The following TRAF3 variants were observed in gnomAD, a reference collection of about 807,000 sequenced individuals.
TRAF3 encodes the protein TNF receptor-associated factor 3.
A neutral mutation model predicts 62.3 loss-of-function variants in TRAF3; 13 were observed. The observed-to-expected ratio is 0.21, with a 90% CI of 0.14 to 0.33. The LOEUF (loss-of-function observed/expected upper bound fraction) is 0.33, where lower values mean the gene tolerates loss of function less well. TRAF3 is among the 10% of genes least tolerant of loss of function. The probability of loss-of-function intolerance (pLI) is 1.00; values close to 1 mark genes in which losing one functional copy is unlikely to be tolerated. For missense variants in TRAF3, 440 were observed against 741.8 expected, an observed-to-expected ratio of 0.59 and a Z score of 4.73; for synonymous variants, 269 against 283.4, an observed-to-expected ratio of 0.95 and a Z score of 0.51.
intron 8 of TRAF3, among the ~76,000 whole-genome samples, chr14:102,889,841 CTG>C (rs1344282828): frequency 6.6e-6 from 1 of 152,188 alleles, no homozygotes; most frequent in Non-Finnish European, 1.5e-5. Flanking sequence ...CAGGGAGACA[CTG>C]TGCTGAGGTG....
chr14:102,798,381 TG>T (rs1898214727), intron 1 of TRAF3, among the ~76,000 whole-genome samples: 1 of 151,976 alleles, frequency 6.6e-6, no homozygotes, highest in Admixed American at 6.6e-5. Flanking sequence ...AGCTCACACC[TG>T]CAATCCCAGC....
chr14:102,810,174 C>G (rs1017943616), intron 1 of TRAF3, among the ~76,000 whole-genome samples: 2 of 152,276 alleles, frequency 1.3e-5, no homozygotes, highest in Non-Finnish European at 2.9e-5. Context: ...AAACAAACAA[C>G]CCCCTCCCCC....
At chr14:102,814,806 C>T (rs1332367602) in intron 1 of TRAF3, among the ~76,000 whole-genome samples, 1 of 152,186 alleles carries the variant, frequency 6.6e-6, no homozygotes, top group Non-Finnish European at 1.5e-5. Flanking sequence ...TACAGGCATA[C>T]ACCACTGCAC....
chr14:102,878,590 G>A lies in TRAF3; in HGVS notation c.570+2065G>A, dbSNP rs975548383. 2.0e-5 allele frequency among the ~76,000 whole-genome samples: 3 copies of A among 152,282 alleles called. 1 individual carries two copies. Among genetic ancestry groups the A allele is most frequent in the Middle Eastern group, 6.8e-3 (2 of 294 alleles). On this transcript the variant is annotated intron_variant, in intron 6 of 11. Coordinates refer to ENST00000392745, the MANE Select transcript of TRAF3 (RefSeq NM_145725.3). ...GACTCAGTGGTGAGGCTCCTCTAGT[G>A]GGAAAAAATACTAACAAATGTGTAA...
intron 1 of TRAF3, among the ~76,000 whole-genome samples, chr14:102,800,176 A>C (rs1898306604): frequency 6.6e-6 from 1 of 152,138 alleles, no homozygotes; most frequent in Non-Finnish European, 1.5e-5. Context: ...TCAGATTTAG[A>C]GGGAATTTTT....
intron 1 of TRAF3, among the ~76,000 whole-genome samples, chr14:102,786,415 C>T (rs1355908560): frequency 2.0e-5 from 3 of 152,124 alleles, no homozygotes; most frequent in Non-Finnish European, 2.9e-5. Context: ...GGGCTGGGTG[C>T]GGAGGTTCAT....
chr14:102,876,974 A>G (rs963813580), intron 6 of TRAF3, among the ~76,000 whole-genome samples: 6 of 148,788 alleles, frequency 4.0e-5, no homozygotes, highest in Non-Finnish European at 7.4e-5. Context: ...AATCCGTTCC[A>G]CAGGCCTTCC....
At chr14:102,862,033 A>G (rs2037209556) in intron 2 of TRAF3, among the ~76,000 whole-genome samples, 1 of 152,182 alleles carries the variant, frequency 6.6e-6, no homozygotes, top group African/African-American at 2.4e-5. Context: ...TTTGGTGCTC[A>G]AAAGTTTTTC....
intron 6 of TRAF3, among the ~76,000 whole-genome samples, chr14:102,876,947 C>A (rs1200041521): frequency 6.6e-6 from 1 of 150,776 alleles, no homozygotes; most frequent in Non-Finnish European, 1.5e-5. Context: ...CACAGTCCTT[C>A]CGCTCAATTC....
intron 1 of TRAF3, among the ~76,000 whole-genome samples, chr14:102,827,138 G>A (rs575657912): frequency 1.2e-4 from 18 of 152,330 alleles, no homozygotes; most frequent in African/African-American, 4.1e-4. Context: ...CTGAGTCCAC[G>A]TCCTTCAGCC....
At chr14:102,803,646 A>T (rs1465204024) in intron 1 of TRAF3, among the ~76,000 whole-genome samples, 1 of 151,804 alleles carries the variant, frequency 6.6e-6, no homozygotes, top group Non-Finnish European at 1.5e-5. Flanking sequence ...CCTGGGCTCA[A>T]CTGATCCTCC....
Position 102,815,147 on chromosome 14 carries a change from C to T in TRAF3, c.-156-15187C>T, listed in dbSNP as rs117065769. ...AGAGACAGAGTTTTACTATGTTGCC[C>T]GGGCTGGTCTCAAACTGCTGGGCTC... On this transcript the variant is annotated intron_variant, in intron 1 of 11. Transcript: ENST00000392745. Among the ~76,000 whole-genome samples the T allele has an allele frequency of 3.4e-4, 51 of 152,152 alleles. No homozygotes were observed. In the East Asian group the frequency reaches 6.8e-3, roughly 20 times the overall value.
rs76920567 is a variant in TRAF3 at position 102,863,205 on chromosome 14, G to A, written c.-17-6980G>A. ...CCTTGTGATATTTTGTTGAAAACTG[G>A]AACTTTTGAATTTTTACCGTGGCAA... On this transcript the variant is annotated intron_variant, in intron 2 of 11. Transcript: ENST00000392745. Among the ~76,000 whole-genome samples the A allele has an allele frequency of 8.2e-3, 1,248 of 152,152 alleles. 39 individuals carry two copies. In the East Asian group the frequency reaches 0.1, roughly 13 times the overall value.
intron 1 of TRAF3, among the ~76,000 whole-genome samples, chr14:102,815,474 T>C (rs1899460558): frequency 6.6e-6 from 1 of 152,156 alleles, no homozygotes; most frequent in African/African-American, 2.4e-5. Flanking sequence ...TCAAGTGATC[T>C]TTCTGCCTTA....
At chr14:102,839,924 A>T (rs1371567026) in intron 2 of TRAF3, among the ~76,000 whole-genome samples, 1 of 152,212 alleles carries the variant, frequency 6.6e-6, no homozygotes, top group Non-Finnish European at 1.5e-5. Flanking sequence ...TTTCAAAGAC[A>T]TCTCTGAGAA....
intron 1 of TRAF3, among the ~76,000 whole-genome samples, chr14:102,800,946 A>G (rs1258698491): frequency 2.6e-5 from 4 of 152,044 alleles, no homozygotes; most frequent in Non-Finnish European, 5.9e-5. Context: ...TGGGAGGCCA[A>G]GGCGGGCGGA....
At position 102,886,219 on chromosome 14, in the gene TRAF3, G is replaced by A. The variant is rs755501597; in HGVS notation, c.601G>A (p.Val201Met). 11 of 1,613,242 alleles carry A rather than the reference G, an allele frequency of 6.8e-6. No individual in the cohort carries two copies. Among genetic ancestry groups the A allele is most frequent in the African/African-American group, 4.0e-5 (3 of 74,992 alleles). The stretch of plus-strand genomic sequence containing the variant: ...CGAAGACACCGACTGTCCCTGCGTG[G>A]TGGTGTCCTGCCCTCACAAGTGCAG... The part of the protein sequence containing the change: ...KHEDTDCPCV[V>M]VSCPHKCSVQ... The change falls in exon 7 of 12, where the codon GTG becomes ATG. Residue 201 changes from valine (V) to methionine (M), a missense_variant. By Grantham distance (21) the Val-to-Met change is conservative. Around this residue, in one of 6 missense-constraint regions of TRAF3, gnomAD observed 255 missense variants for 424.1 expected, o/e 0.60. Transcript: ENST00000392745.
chr14:102,907,671 C>G lies in TRAF3; in HGVS notation c.*1887C>G, dbSNP rs910747309. On this transcript the variant is annotated 3_prime_UTR_variant, in exon 12 of 12. Transcript: ENST00000392745. ...GCTTGGTGGGTGCCCGGTGGCCCAC[C>G]TGTCTCTGGTGCTGCCATCTGTCCT... 1.3e-5 allele frequency: 2 copies of G among 152,350 alleles called. No individual in the cohort carries two copies. Among genetic ancestry groups the G allele is most frequent in the African/African-American group, 4.8e-5 (2 of 41,468 alleles). The allele number at this position is 152,350 out of a possible 1,614,324, so 9.4% of individuals were successfully genotyped here.
chr14:102,794,584 G>T (rs552881751), intron 1 of TRAF3, among the ~76,000 whole-genome samples: 1 of 152,190 alleles, frequency 6.6e-6, no homozygotes, highest in Non-Finnish European at 1.5e-5. Context: ...GAGGAGAGGG[G>T]ACATGGACCC....
Sources: allele counts gnomAD v4.1 joint callset (sites outside exome capture counted in the v4.1 genomes callset), GRCh38; gene constraint gnomAD v4.1.1; regional missense constraint gnomAD v4.1.1; transcripts MANE v1.5; gene names NCBI Gene and HGNC (gene_info 2026-07-23, HGNC 2026-07-21).